NTMT1: variants seen among roughly 807,000 people sequenced by gnomAD.
NTMT1 encodes the protein N-terminal Xaa-Pro-Lys N-methyltransferase 1.
NTMT1 carries 8 observed loss-of-function variants against 17.5 expected under a neutral mutation model. The observed-to-expected ratio is 0.46, with a 90% confidence interval of 0.27 to 0.82. NTMT1 has a LOEUF of 0.82. Among genes scored for constraint, NTMT1 ranks in the 40% least tolerant of loss-of-function variants. The pLI is 0.15. For missense variants in NTMT1, 221 were observed against 303.5 expected (o/e 0.73, Z 2.02); for synonymous variants, 128 against 126.8 (o/e 1.01, Z -0.06).
chr9:129,623,823 C>CTTTTTTTTTTTTTTTTTTTT (rs746654555), upstream of NTMT1, among the ~76,000 whole-genome samples: 1 of 107,832 alleles, frequency 9.3e-6, no homozygotes. Flanking sequence ...TTTTTCTTTT[C>CTTTTTTTTTTTTTTTTTTTT]TTTTCTTTTT....
intron 1 of NTMT1, among the ~76,000 whole-genome samples, chr9:129,616,947 G>A (rs549968225): frequency 9.2e-5 from 14 of 152,218 alleles, no homozygotes; most frequent in East Asian, 1.9e-4. Flanking sequence ...GGTGGCGTGC[G>A]CCTGTAGTTC....
chr9:129,620,436 G>T lies in NTMT1; in HGVS notation c.-55+11258G>T. 1 of 1,269,346 alleles carries T rather than the reference G, an allele frequency of 7.9e-7. No individual in the cohort carries two copies. Among genetic ancestry groups the T allele is most frequent in the Admixed American group, 4.1e-5 (1 of 24,232 alleles). 78.6% of individuals were successfully genotyped at this position (1,269,346 alleles called of 1,614,324 possible). Reference sequence around the variant, plus strand: ...GGGATCCTCCAGTCCCCGGAGCCCCGCGCGCCCAGAGCCGCTCGGAGCGCG... The same window carrying T: ...GGGATCCTCCAGTCCCCGGAGCCCCTCGCGCCCAGAGCCGCTCGGAGCGCG... On this transcript the variant is annotated intron_variant, in intron 1 of 3. Transcript: ENST00000372486. This position sits in a 1 kb window ranked among gnomAD's most constrained non-coding sequence, Gnocchi z 5.8.
At chr9:129,619,567 G>C (rs1314226206) in intron 1 of NTMT1, 3 of 1,613,938 alleles carry the variant, frequency 1.9e-6, no homozygotes, top group African/African-American at 2.7e-5. Flanking sequence ...CACCCTTCAG[G>C]GGCCCCAGAA....
At chr9:129,630,152 T>C (rs1023436385) in intron 1 of NTMT1, among the ~76,000 whole-genome samples, 2 of 152,192 alleles carry the variant, frequency 1.3e-5, no homozygotes, top group African/African-American at 4.8e-5. Flanking sequence ...CAGAATATAG[T>C]TCTGGGGCCA....
intron 1 of NTMT1, among the ~76,000 whole-genome samples, chr9:129,630,389 C>T (rs1831098647): frequency 6.6e-6 from 1 of 152,102 alleles, no homozygotes; most frequent in South Asian, 2.1e-4. Context: ...GGGAGGATCA[C>T]CTGAGCTGTA....
chr9:129,634,601 TGAG>T lies in NTMT1; in HGVS notation c.415+299_415+301del, dbSNP rs200392840. On this transcript the variant is annotated intron_variant, in intron 3 of 3. Transcript: ENST00000372483. ...GGCCAATAACTTACTGCATTCAAAG[TGAG>T]GAGTTTTATAAGGGTTTTATTTTTA... 3.9e-3 allele frequency: 1,388 copies of T among 356,716 alleles called. 19 individuals carry two copies. Among genetic ancestry groups the T allele is most frequent in the African/African-American group, 0.026 (1,261 of 47,756 alleles). 22.1% of individuals were successfully genotyped at this position (356,716 alleles called of 1,614,324 possible).
chr9:129,610,231 AGGGAGAGGGGAAAGGG>A, intron 1 of NTMT1, among the ~76,000 whole-genome samples: 1 of 14,156 alleles, frequency 7.1e-5, no homozygotes, highest in African/African-American at 4.3e-4. Context: ...GGAAAGGGGG[AGGGAGAGGGGAAAGGG>A]GGGAAGGGGA....
intron 3 of NTMT1, chr9:129,634,581 A>G: frequency 2.5e-6 from 1 of 406,274 alleles, no homozygotes; most frequent in Non-Finnish European, 4.4e-6. Context: ...TTAATGGCCA[A>G]TAACTTACTG....
intron 1 of NTMT1, among the ~76,000 whole-genome samples, chr9:129,619,197 G>A (rs566527870): frequency 3.7e-4 from 56 of 152,302 alleles, no homozygotes; most frequent in South Asian, 2.9e-3. Flanking sequence ...ATTCATGAAC[G>A]GGTTGTAGAA....
intron 1 of NTMT1, among the ~76,000 whole-genome samples, chr9:129,626,861 T>C (rs75813203): frequency 1.2e-3 from 184 of 152,338 alleles, no homozygotes; most frequent in African/African-American, 3.9e-3. Flanking sequence ...GCCCAGACTT[T>C]GCTGCGCACC....
Position 129,620,675 on chromosome 9 carries a change from C to T in NTMT1, c.-55+11497C>T, listed in dbSNP as rs1332950270. On this transcript the variant is annotated intron_variant, in intron 1 of 3. Transcript: ENST00000372486. This position sits in a 1 kb window ranked among gnomAD's most constrained non-coding sequence, Gnocchi z 5.8. ...AGTCCAGCCCCAGGCCATAGTGCCCCGGGCGGGGCAGCGCGGTGCGGGGTG... is the reference window on the plus strand; with the variant it reads ...AGTCCAGCCCCAGGCCATAGTGCCCTGGGCGGGGCAGCGCGGTGCGGGGTG... 4 of 1,120,498 alleles carry T rather than the reference C, an allele frequency of 3.6e-6. No individual in the cohort carries two copies. Among genetic ancestry groups the T allele is most frequent in the Admixed American group, 4.1e-5 (1 of 24,106 alleles). The allele number at this position is 1,120,498 out of a possible 1,614,324, so 69.4% of individuals were successfully genotyped here. A position where few individuals can be genotyped will look rare whatever the true frequency, so the allele number is the denominator to read the frequency against.
At chr9:129,612,517 C>T (rs1456675259) in intron 1 of NTMT1, 4 of 1,311,402 alleles carry the variant, frequency 3.1e-6, no homozygotes, top group Admixed American at 1.9e-5. Context: ...ACTGGGCTCC[C>T]AGTGGGATTC....
In NTMT1 at chr9:129,620,050, G is replaced by T; in HGVS notation, c.-55+10872G>T. On this transcript the variant is annotated intron_variant, in intron 1 of 3. Coordinates refer to the NTMT1 transcript ENST00000372486. The surrounding 1 kb of genome is among the most constrained non-coding windows in gnomAD (Gnocchi z 5.8). Reference sequence around the variant, plus strand: ...GAAATGACTCGGGCCCGCCCCCCGGGCCCCGCGGGGCCTCACTCAGTGGCT... The same window carrying T: ...GAAATGACTCGGGCCCGCCCCCCGGTCCCCGCGGGGCCTCACTCAGTGGCT... 6.9e-7 allele frequency: 1 copy of T among 1,453,530 alleles called. No individual in the cohort carries two copies. Among genetic ancestry groups the T allele is most frequent in the Non-Finnish European group, 9.1e-7 (1 of 1,101,416 alleles). The allele number at this position is 1,453,530 out of a possible 1,614,324, so 90.0% of individuals were successfully genotyped here.
intron 1 of NTMT1, chr9:129,628,777 A>G (rs1040251481): frequency 2.0e-5 from 3 of 152,184 alleles, no homozygotes; most frequent in South Asian, 4.1e-4. Context: ...TCTGTTGAAT[A>G]TTTGTGTTTC....
chr9:129,619,640 A>G, intron 1 of NTMT1: 1 of 1,613,866 alleles, frequency 6.2e-7, no homozygotes, highest in Non-Finnish European at 8.5e-7. Flanking sequence ...CTGGCCCCTT[A>G]AAGACAAACA....
rs948506626 is a variant in NTMT1, at chr9:129,614,124, T to A, written c.-55+4946T>A. Among the ~76,000 whole-genome samples the A allele has an allele frequency of 3.3e-5, 5 of 152,170 alleles. No homozygotes were observed. Among genetic ancestry groups the A allele is most frequent in the Non-Finnish European group, 7.4e-5 (5 of 68,026 alleles). ...GGCCAGTGGCTGACACGGAATCATC[T>A]CCTGTATGCACCAACTGCCATTCAC... On this transcript the variant is annotated intron_variant, in intron 1 of 3. Transcript: ENST00000372486. This position sits in a 1 kb window ranked among gnomAD's most constrained non-coding sequence, Gnocchi z 4.4.
intron 1 of NTMT1, chr9:129,619,522 G>GT (rs1830563842): frequency 6.2e-7 from 1 of 1,610,412 alleles, no homozygotes; most frequent in South Asian, 1.1e-5. Context: ...TCACTCACTG[G>GT]TTGGCCTTTC....
intron 2 of NTMT1, chr9:129,633,790 A>T: frequency 2.5e-6 from 1 of 407,024 alleles, no homozygotes; most frequent in Non-Finnish European, 4.4e-6. Context: ...CCATGATCCC[A>T]CCACTGCATT....
rs769871971 is a variant in NTMT1, at chr9:129,613,096, C to T, written c.-55+3918C>T. On this transcript the variant is annotated intron_variant, in intron 1 of 3. Coordinates refer to the NTMT1 transcript ENST00000372486. The surrounding 1 kb of genome is among the most constrained non-coding windows in gnomAD (Gnocchi z 6.2). Reference sequence around the variant, plus strand: ...CAGCTTCTAGGTCCAGGAGCAAGACCATTTGCCCACCTGCTCCAGGTTTCT... The same window carrying T: ...CAGCTTCTAGGTCCAGGAGCAAGACTATTTGCCCACCTGCTCCAGGTTTCT... 4.3e-6 allele frequency: 7 copies of T among 1,613,592 alleles called. No homozygotes were observed. In the East Asian group the frequency reaches 1.6e-4, roughly 36 times the overall value.
Sources: gnomAD v4.1 joint callset for allele counts (sites outside exome capture counted in the v4.1 genomes callset) on GRCh38, gnomAD v4.1.1 for gene constraint, Gnocchi (gnomAD v3.1) non-coding constraint, MANE v1.5 for transcripts, NCBI Gene and HGNC (gene_info 2026-07-23, HGNC 2026-07-21) for gene names.